Variants in RAPGEF2 observed in about 807,000 individuals in gnomAD.
RAPGEF2 encodes PDZ domain containing guanine nucleotide exchange factor (GEF) 1.
In RAPGEF2, 54 loss-of-function variants were observed where a neutral mutation model predicts 186.7. The observed-to-expected ratio is 0.29, with a 90% CI of 0.23 to 0.36. RAPGEF2 has a LOEUF of 0.36. RAPGEF2 is among the 10% of genes least tolerant of loss of function. The pLI, the probability that RAPGEF2 is intolerant of heterozygous loss-of-function variation, is 1.00. For missense variants in RAPGEF2, 1,532 were observed against 2,045.0 expected, an observed-to-expected ratio of 0.75 and a Z score of 4.84; for synonymous variants, 712 against 705.9, an observed-to-expected ratio of 1.01 and a Z score of -0.14.
intron 24 of RAPGEF2, among the ~76,000 whole-genome samples, chr4:159,346,012 A>T (rs1313721507): frequency 6.6e-6 from 1 of 152,172 alleles, no homozygotes; most frequent in Non-Finnish European, 1.5e-5. Context: ...TTTACCCAGG[A>T]TGCTGTAGAA....
At chr4:159,348,280 ATG>A (rs1730687465) in intron 25 of RAPGEF2, among the ~76,000 whole-genome samples, 1 of 151,604 alleles carries the variant, frequency 6.6e-6, no homozygotes, top group East Asian at 1.9e-4. Context: ...GGATGGATGG[ATG>A]GATAGATAGA....
At chr4:159,341,003 A>AT (rs1321725841) in intron 19 of RAPGEF2, among the ~76,000 whole-genome samples, 4 of 152,204 alleles carry the variant, frequency 2.6e-5, no homozygotes, top group East Asian at 1.9e-4. Flanking sequence ...GAAAATCCAG[A>AT]TTTTTTAAAG....
At chr4:159,355,716 G>T (rs554474522) in intron 28 of RAPGEF2, 137 bp from the exon 29 acceptor site, 44 of 791,258 alleles carry the variant, frequency 5.6e-5, no homozygotes, top group Admixed American at 2.0e-4. Context: ...GCCTCACACC[G>T]CACCTCTAAC....
chr4:159,164,019 T>C (rs1745002641), intron 1 of RAPGEF2, among the ~76,000 whole-genome samples: 1 of 152,146 alleles, frequency 6.6e-6, no homozygotes, highest in Non-Finnish European at 1.5e-5. Flanking sequence ...TTTTTTTTTT[T>C]TTTGAGACGG....
At chr4:159,223,925 G>A (rs1341483662) in intron 4 of RAPGEF2, among the ~76,000 whole-genome samples, 2 of 151,146 alleles carry the variant, frequency 1.3e-5, no homozygotes, top group Admixed American at 1.3e-4. Flanking sequence ...TTGAGACAGA[G>A]TCTCGCTCTG....
intron 7 of RAPGEF2, among the ~76,000 whole-genome samples, chr4:159,246,206 C>G (rs992545752): frequency 6.6e-6 from 1 of 151,984 alleles, no homozygotes; most frequent in Non-Finnish European, 1.5e-5. Context: ...ATTGAATTTT[C>G]CAGTAGATGA....
chr4:159,348,238 AGATAGATGGATGGATGGATG>A (rs1411645570), intron 25 of RAPGEF2, among the ~76,000 whole-genome samples: 7 of 126,006 alleles, frequency 5.6e-5, no homozygotes, highest in African/African-American at 2.0e-4. Flanking sequence ...ATAGATAGAT[AGATAGATGGATGGATGGATG>A]GATGGATGGA....
At position 159,319,403 on chromosome 4, in the gene RAPGEF2, AT is replaced by A. The variant is rs1381792183; in HGVS notation, c.854-2943del. 7.2e-5 allele frequency among the ~76,000 whole-genome samples: 11 copies of A among 152,258 alleles called. No homozygotes were observed. In the East Asian group the frequency reaches 1.7e-3, roughly 24 times the overall value. On this transcript the variant is annotated intron_variant, in intron 9 of 29. Coordinates refer to ENST00000691494, the MANE Select transcript of RAPGEF2 (RefSeq NM_001394067.2). The stretch of plus-strand genomic sequence containing the variant: ...TGATGATCTGAGGCAGAACAGTTTC[AT>A]CCCAAAACTATCCCCCCGCACCCAC...
chr4:159,348,238 A>G (rs867419174), intron 25 of RAPGEF2, among the ~76,000 whole-genome samples: 6 of 126,118 alleles, frequency 4.8e-5, no homozygotes, highest in South Asian at 5.6e-4. Flanking sequence ...ATAGATAGAT[A>G]GATAGATGGA....
intron 1 of RAPGEF2, among the ~76,000 whole-genome samples, chr4:159,115,504 A>G (rs185175387): frequency 6.4e-4 from 97 of 152,238 alleles, no homozygotes; most frequent in Middle Eastern, 3.4e-3. Context: ...ACATTCTTCC[A>G]TGTATTCATA....
At position 159,332,832 on chromosome 4, in the gene RAPGEF2, TATTAAACA is replaced by T. The variant is rs1449198434; in HGVS notation, c.2135+138_2135+145del. The T allele has an allele frequency of 2.9e-6, 3 of 1,045,952 alleles. No homozygotes were observed. The African/African-American group carries it at 4.9e-5, about 17-fold the overall frequency. 64.8% of individuals were successfully genotyped at this position (1,045,952 alleles called of 1,614,324 possible). A position where few individuals can be genotyped will look rare whatever the true frequency, so the allele number is the denominator to read the frequency against. On this transcript the variant is annotated intron_variant, in intron 17 of 29. Transcript: ENST00000691494. Reference sequence around the variant, plus strand: ...TATGACTGAGCTATTTTGGAAGCAGTATTAAACAATCAAATTTGTTTTAATCTCGTTTT... The same window carrying T: ...TATGACTGAGCTATTTTGGAAGCAGTATCAAATTTGTTTTAATCTCGTTTT...
intron 1 of RAPGEF2, among the ~76,000 whole-genome samples, chr4:159,116,668 A>G (rs566726247): frequency 6.6e-6 from 1 of 152,388 alleles, no homozygotes; most frequent in African/African-American, 2.4e-5. Context: ...CCAAATGTCA[A>G]TCGCTGATAG....
In RAPGEF2 at chr4:159,330,263, A is replaced by ATG. The variant is rs1278340762; in HGVS notation, c.1303-70_1303-69insGT. ...GTCATATATGTGTGTGTGTATATGT[A>ATG]TATGTGTGTGTGTGTGTGTGTGTGT... On this transcript the variant is annotated intron_variant, in intron 12 of 29. Transcript: ENST00000691494. The ATG allele has an allele frequency of 4.2e-3, 1,713 of 410,246 alleles. 9 individuals carry two copies. The African/African-American group carries it at 0.057, about 14-fold the overall frequency. The allele number at this position is 410,246 out of a possible 1,614,324, so 25.4% of individuals were successfully genotyped here.
At position 159,207,377 on chromosome 4, in the gene RAPGEF2, T is replaced by C. The variant is rs561726524; in HGVS notation, c.198-3123T>C. Among the ~76,000 whole-genome samples the C allele has an allele frequency of 5.3e-5, 8 of 152,360 alleles. No homozygotes were observed. The South Asian group carries it at 1.7e-3, about 32-fold the overall frequency. On this transcript the variant is annotated intron_variant, in intron 3 of 29. Transcript: ENST00000691494. The stretch of plus-strand genomic sequence containing the variant: ...CTTTCACTTCAAGTGTGTTTTATTA[T>C]CAGTGCCAGGAGAGCTGAGTTTGTA...
intron 4 of RAPGEF2, among the ~76,000 whole-genome samples, chr4:159,211,501 A>C (rs1188435772): frequency 6.6e-6 from 1 of 152,264 alleles, no homozygotes; most frequent in Middle Eastern, 3.2e-3. Context: ...TCTTCTATAA[A>C]AATATTGTAA....
intron 20 of RAPGEF2, among the ~76,000 whole-genome samples, chr4:159,342,607 T>TC (rs1729698186): frequency 6.8e-6 from 1 of 147,434 alleles, no homozygotes; most frequent in Admixed American, 6.8e-5. Flanking sequence ...TTTTATTTTA[T>TC]TTTATTTTAT....
At chr4:159,104,340 T>G (rs570580984) in intron 1 of RAPGEF2, 109 bp downstream of exon 1, 155 of 432,362 alleles carry the variant, frequency 3.6e-4, no homozygotes, top group Middle Eastern at 1.0e-3. Context: ...AGCACCCCAC[T>G]TCTTGCATCA....
intron 7 of RAPGEF2, among the ~76,000 whole-genome samples, chr4:159,250,893 G>A (rs551614403): frequency 7.2e-5 from 11 of 152,146 alleles, no homozygotes; most frequent in Admixed American, 5.2e-4. Flanking sequence ...GGCCGGAGCC[G>A]GCTCCCTCTG....
intron 7 of RAPGEF2, among the ~76,000 whole-genome samples, chr4:159,272,359 T>C (rs1417566566): frequency 2.0e-5 from 3 of 152,244 alleles, no homozygotes; most frequent in Non-Finnish European, 4.4e-5. Context: ...AAGATTGTGC[T>C]CTTTTATTTT....
Sources: gnomAD v4.1 joint callset for allele counts (sites outside exome capture counted in the v4.1 genomes callset) on GRCh38, gnomAD v4.1.1 for gene constraint, MANE v1.5 for transcripts, NCBI Gene and HGNC (gene_info 2026-07-23, HGNC 2026-07-21) for gene names.